MALRD1: variants seen among roughly 807,000 people sequenced by gnomAD.
The protein encoded by MALRD1 is MAM and LDL-receptor class A domain-containing protein 1.
Under a neutral mutation model 242.1 loss-of-function variants are expected in MALRD1, and 247 were observed. That is an observed-to-expected ratio of 1.02 (90% CI 0.92 to 1.13). The LOEUF (loss-of-function observed/expected upper bound fraction) is 1.13, where lower values mean the gene tolerates loss of function less well. Among genes scored for constraint, MALRD1 ranks in the 50% most tolerant of loss-of-function variants. MALRD1 has a pLI of 0.00. For missense variants in MALRD1, 2,989 were observed against 2,533.1 expected (o/e 1.18, Z -3.86); for synonymous variants, 995 against 866.6 (o/e 1.15, Z -2.60).
chr10:19,086,342 T>TCATCATAGA (rs1835668416), intron 2 of MALRD1, among the ~76,000 whole-genome samples: 1 of 152,098 alleles, frequency 6.6e-6, no homozygotes, highest in South Asian at 2.1e-4. Flanking sequence ...GGTAGCTATG[T>TCATCATAGA]CATCATAGAC....
chr10:19,344,488 T>C (rs1354609823), intron 24 of MALRD1, among the ~76,000 whole-genome samples: 2 of 152,060 alleles, frequency 1.3e-5, no homozygotes, highest in African/African-American at 4.8e-5. Flanking sequence ...TGGGTTCTTT[T>C]CTGTTCTATT....
chr10:19,524,628 C>T (rs537150645), intron 31 of MALRD1, among the ~76,000 whole-genome samples: 1 of 152,188 alleles, frequency 6.6e-6, no homozygotes, highest in African/African-American at 2.4e-5. Context: ...CTGAATAAAT[C>T]TGACTCTGAA....
rs190042045 is a variant in MALRD1 at position 19,557,150 on chromosome 10, T to C, written c.5479-10352T>C. 2.6e-5 allele frequency among the ~76,000 whole-genome samples: 4 copies of C among 152,284 alleles called. 1 individual carries two copies. The East Asian group carries it at 7.7e-4, about 29-fold the overall frequency. On this transcript the variant is annotated intron_variant, in intron 32 of 39. Transcript: ENST00000454679. ...TTTTCTCATCAGGTTGTTTATTTTC[T>C]TATTTTTGAGTTTTTAAAGTTCTTT...
chr10:19,492,343 T>C (rs1837529454), intron 30 of MALRD1, among the ~76,000 whole-genome samples: 1 of 152,202 alleles, frequency 6.6e-6, no homozygotes. Flanking sequence ...ATTTGCTGCC[T>C]AACAAGCTAC....
chr10:19,483,162 T>A (rs559545876), intron 29 of MALRD1, among the ~76,000 whole-genome samples: 38 of 150,012 alleles, frequency 2.5e-4, no homozygotes, highest in Non-Finnish European at 4.7e-4. Context: ...TAACTCAAAA[T>A]GGATTAAAGA....
At chr10:19,583,590 G>T (rs1051896556) in intron 33 of MALRD1, among the ~76,000 whole-genome samples, 1 of 152,016 alleles carries the variant, frequency 6.6e-6, no homozygotes, top group African/African-American at 2.4e-5. Context: ...GATCATGGTG[G>T]ATAAGCTTTT....
intron 21 of MALRD1, among the ~76,000 whole-genome samples, chr10:19,299,356 A>G (rs977977317): frequency 1.3e-5 from 2 of 152,096 alleles, no homozygotes; most frequent in Middle Eastern, 6.8e-3. Context: ...AATAGAAAAC[A>G]ATAGGGAGCA....
chr10:19,157,877 A>C (rs552375381), intron 12 of MALRD1, among the ~76,000 whole-genome samples: 1 of 152,324 alleles, frequency 6.6e-6, no homozygotes, highest in Admixed American at 6.5e-5. Flanking sequence ...CATTTCTAAC[A>C]GCACGATTTT....
In MALRD1 at chr10:19,351,995, C is replaced by A; in HGVS notation, c.4150-11C>A. On this transcript the variant is annotated splice_polypyrimidine_tract_variant and intron_variant, in intron 25 of 39. Transcript: ENST00000454679. Reference sequence around the variant, plus strand: ...TCATATCGTATGTAATATTCCTATTCTTGATTACAGATTATTTTTCATTAT... The same window carrying A: ...TCATATCGTATGTAATATTCCTATTATTGATTACAGATTATTTTTCATTAT... 1 of 1,531,786 alleles carries A rather than the reference C, an allele frequency of 6.5e-7. No homozygotes were observed. Among genetic ancestry groups the A allele is most frequent in the South Asian group, 1.2e-5 (1 of 83,586 alleles). 94.9% of individuals were successfully genotyped at this position (1,531,786 alleles called of 1,614,324 possible). A position where few individuals can be genotyped will look rare whatever the true frequency, so the allele number is the denominator to read the frequency against.
At chr10:19,489,929 C>T (rs538113294) in intron 29 of MALRD1, among the ~76,000 whole-genome samples, 6 of 152,236 alleles carry the variant, frequency 3.9e-5, no homozygotes, top group African/African-American at 1.4e-4. Context: ...TGTTACTGTG[C>T]TGTGAAAGGT....
chr10:19,705,748 G>A (rs1015540089), intron 38 of MALRD1, among the ~76,000 whole-genome samples: 1 of 130,384 alleles, frequency 7.7e-6, no homozygotes, highest in African/African-American at 3.1e-5. Flanking sequence ...AGCCTAAACA[G>A]CCTGATCTCT....
chr10:19,502,190 A>C (rs890292667), intron 31 of MALRD1, among the ~76,000 whole-genome samples: 2 of 152,028 alleles, frequency 1.3e-5, no homozygotes, highest in Non-Finnish European at 2.9e-5. Context: ...TGTCCTTTTA[A>C]TATTTACTTT....
intron 4 of MALRD1, among the ~76,000 whole-genome samples, chr10:19,095,578 C>A (rs1383456109): frequency 6.6e-6 from 1 of 151,806 alleles, no homozygotes. Context: ...GTGGTAGGTA[C>A]AATGAAGGGA....
intron 28 of MALRD1, among the ~76,000 whole-genome samples, chr10:19,398,373 G>A: frequency 6.7e-6 from 1 of 149,626 alleles, no homozygotes; most frequent in South Asian, 2.1e-4. Flanking sequence ...TTAAAAATCT[G>A]TAATAGTGAC....
At chr10:19,500,844 A>T (rs1837934929) in intron 31 of MALRD1, among the ~76,000 whole-genome samples, 1 of 152,148 alleles carries the variant, frequency 6.6e-6, no homozygotes, top group Non-Finnish European at 1.5e-5. Flanking sequence ...TATTTCTCAA[A>T]TGCCAGGCAC....
At chr10:19,303,026 C>T (rs959873534) in intron 21 of MALRD1, among the ~76,000 whole-genome samples, 2 of 151,022 alleles carry the variant, frequency 1.3e-5, no homozygotes, top group Non-Finnish European at 3.0e-5. Flanking sequence ...AAAATTGAAC[C>T]CTAAAGTAAC....
intron 25 of MALRD1, among the ~76,000 whole-genome samples, chr10:19,349,644 C>T (rs1175900099): frequency 6.6e-6 from 1 of 152,074 alleles, no homozygotes; most frequent in African/African-American, 2.4e-5. Flanking sequence ...AGTACTTTCT[C>T]AGGAATAAAA....
chr10:19,154,304 C>T (rs1388584885), intron 11 of MALRD1, among the ~76,000 whole-genome samples: 2 of 152,086 alleles, frequency 1.3e-5, no homozygotes, highest in South Asian at 2.1e-4. Context: ...TGTGTGCAGT[C>T]GGCATTGACT....
At position 19,595,368 on chromosome 10, in the gene MALRD1, T is replaced by A; in HGVS notation, c.5855T>A (p.Phe1952Tyr). ...CCTCCACTCTGTAGTAACATGGAGT[T>A]CCCGTGCTCTACAGACGAGTGTATA... ...PTPPLCSNME[F>Y]PCSTDECIPS... Residue 1952 changes from phenylalanine to tyrosine, a missense_variant, in exon 34 of 40, where the codon TTC becomes TAC. Phe to Tyr is a conservative substitution (Grantham distance 22). Transcript: ENST00000454679. 1 of 1,550,668 alleles carries A rather than the reference T, an allele frequency of 6.4e-7. No homozygotes were observed. Among genetic ancestry groups the A allele is most frequent in the Non-Finnish European group, 8.7e-7 (1 of 1,146,954 alleles).
Sources: allele counts gnomAD v4.1 joint callset (sites outside exome capture counted in the v4.1 genomes callset), GRCh38; gene constraint gnomAD v4.1.1; transcripts MANE v1.5; gene names NCBI Gene and HGNC (gene_info 2026-07-23, HGNC 2026-07-21).